CCDC92: variants seen among roughly 807,000 people sequenced by gnomAD.
CCDC92 encodes the protein coiled-coil domain containing 92.
A neutral mutation model predicts 24.9 loss-of-function variants in CCDC92; 12 were observed. The observed-to-expected ratio is 0.48, with a 90% CI of 0.31 to 0.78. The LOEUF (loss-of-function observed/expected upper bound fraction) is 0.78, where lower values mean the gene tolerates loss of function less well. CCDC92 is among the 30% of genes least tolerant of loss of function. The pLI is 0.05. For missense variants in CCDC92, 399 were observed against 439.4 expected, an observed-to-expected ratio of 0.91 and a Z score of 0.82; for synonymous variants, 193 against 196.3, an observed-to-expected ratio of 0.98 and a Z score of 0.14.
intron 1 of CCDC92, among the ~76,000 whole-genome samples, chr12:123,954,582 A>G (rs1250907491): frequency 6.6e-6 from 1 of 152,204 alleles, no homozygotes; most frequent in Non-Finnish European, 1.5e-5. Flanking sequence ...CTCATACTTT[A>G]AGAGTTTCTA....
rs1223505868 is a variant in CCDC92, at chr12:123,954,581, TAAG to T, written c.-59-10220_-59-10218del. On this transcript the variant is annotated intron_variant, in intron 1 of 4. Coordinates refer to ENST00000238156, the MANE Select transcript of CCDC92 (RefSeq NM_025140.3). ...TCTGCACTCCGATTATCTCATACTT[TAAG>T]AGTTTCTATTTGGCTTCTATTTAAA... Among the ~76,000 whole-genome samples, 3 of 152,332 alleles carry T rather than the reference TAAG, an allele frequency of 2.0e-5. No homozygotes were observed. The East Asian group carries it at 5.8e-4, about 29-fold the overall frequency.
chr12:123,965,130 G>C (rs1250299236), intron 1 of CCDC92, among the ~76,000 whole-genome samples: 1 of 152,054 alleles, frequency 6.6e-6, no homozygotes, highest in African/African-American at 2.4e-5. Context: ...GACGTATTAG[G>C]ACACCTGATA....
At chr12:123,956,694 G>A (rs182525468) in intron 1 of CCDC92, among the ~76,000 whole-genome samples, 2 of 152,342 alleles carry the variant, frequency 1.3e-5, no homozygotes, top group African/African-American at 2.4e-5. Context: ...AGACCAGTGA[G>A]AGAACGGTAG....
intron 4 of CCDC92, among the ~76,000 whole-genome samples, chr12:123,938,758 G>T (rs1235175582): frequency 6.6e-6 from 1 of 152,174 alleles, no homozygotes; most frequent in Non-Finnish European, 1.5e-5. Flanking sequence ...GTGAGTGTCC[G>T]TCAGACACAC....
intron 1 of CCDC92, among the ~76,000 whole-genome samples, chr12:123,960,105 C>G (rs1956239004): frequency 6.6e-6 from 1 of 152,242 alleles, no homozygotes; most frequent in African/African-American, 2.4e-5. Context: ...ACCTTACTAG[C>G]ATGTAAACTC....
intron 1 of CCDC92, among the ~76,000 whole-genome samples, chr12:123,964,997 A>T (rs915007790): frequency 6.6e-6 from 1 of 152,224 alleles, no homozygotes; most frequent in Non-Finnish European, 1.5e-5. Context: ...TAAAATTCAA[A>T]TGGAAAAAAC....
intron 1 of CCDC92, among the ~76,000 whole-genome samples, chr12:123,959,810 G>T (rs745864788): frequency 4.6e-5 from 7 of 151,220 alleles, no homozygotes; most frequent in Non-Finnish European, 8.8e-5. Flanking sequence ...AAAATGTACT[G>T]TCCCCATGAG....
intron 1 of CCDC92, among the ~76,000 whole-genome samples, chr12:123,963,064 A>G (rs988610067): frequency 4.6e-5 from 7 of 152,082 alleles, no homozygotes; most frequent in African/African-American, 1.7e-4. Flanking sequence ...TTGGGCTGTC[A>G]TGAGCGTGTG....
At chr12:123,971,431 A>G (rs965861738) in intron 1 of CCDC92, 2 of 152,106 alleles carry the variant, frequency 1.3e-5, no homozygotes, top group African/African-American at 2.4e-5. Context: ...AAAAAAAAAA[A>G]AAAAGAAAAG....
intron 2 of CCDC92, chr12:123,943,912 GC>G: frequency 2.2e-6 from 1 of 449,730 alleles, no homozygotes; most frequent in East Asian, 3.9e-5. Flanking sequence ...TCCTCTCCAC[GC>G]ACCACCTCAC....
At chr12:123,943,614 C>G in intron 2 of CCDC92, 121 bp from the exon 3 acceptor site, 2 of 1,088,976 alleles carry the variant, frequency 1.8e-6, no homozygotes. Context: ...GAAACCACGG[C>G]TCCTGAAGGG....
intron 1 of CCDC92, among the ~76,000 whole-genome samples, chr12:123,951,082 A>G (rs1956013614): frequency 6.6e-6 from 1 of 152,122 alleles, no homozygotes; most frequent in Non-Finnish European, 1.5e-5. Context: ...TAGAACTCCC[A>G]TGGCAAACCA....
intron 1 of CCDC92, chr12:123,945,737 T>C (rs1358962522): frequency 1.3e-5 from 2 of 152,228 alleles, no homozygotes; most frequent in Non-Finnish European, 2.9e-5. Context: ...TGAAAGGGGT[T>C]TGGAAGTGGG....
chr12:123,951,984 G>A (rs938193565), intron 1 of CCDC92, among the ~76,000 whole-genome samples: 1 of 152,052 alleles, frequency 6.6e-6, no homozygotes, highest in Admixed American at 6.5e-5. Context: ...TAACACAATG[G>A]GACAAAAGAG....
rs181755599 is a variant in CCDC92 at position 123,964,119 on chromosome 12, G to A, written c.-60+8410C>T. Among the ~76,000 whole-genome samples, 113 of 152,270 alleles carry A rather than the reference G, an allele frequency of 7.4e-4. 1 individual carries two copies. Among genetic ancestry groups the A allele is most frequent in the African/African-American group, 2.5e-3 (103 of 41,560 alleles). On this transcript the variant is annotated intron_variant, in intron 1 of 4. Coordinates refer to ENST00000238156, the MANE Select transcript of CCDC92 (RefSeq NM_025140.3). ...CAGAAATTGAAGTAATTAGTGCTGC[G>A]CTGGTAAATCTTAAAATGGTTTTCT...
At chr12:123,963,050 T>C (rs1321028965) in intron 1 of CCDC92, among the ~76,000 whole-genome samples, 1 of 152,090 alleles carries the variant, frequency 6.6e-6, no homozygotes, top group African/African-American at 2.4e-5. Flanking sequence ...TGTCTGGAGA[T>C]GCTTTGGGCT....
At chr12:123,962,408 A>C (rs1410480918) in intron 1 of CCDC92, 1 of 152,234 alleles carries the variant, frequency 6.6e-6, no homozygotes, top group Non-Finnish European at 1.5e-5. Context: ...TTTGCTTTTT[A>C]AATTGGTTGC....
At chr12:123,955,281 G>A (rs533338622) in intron 1 of CCDC92, among the ~76,000 whole-genome samples, 1 of 152,194 alleles carries the variant, frequency 6.6e-6, no homozygotes, top group South Asian at 2.1e-4. Flanking sequence ...TAATGGAAGG[G>A]GAAGTAAGCA....
chr12:123,953,980 T>C lies in CCDC92; in HGVS notation c.-59-9616A>G, dbSNP rs115673490. 6.7e-3 allele frequency among the ~76,000 whole-genome samples: 1,015 copies of C among 152,184 alleles called. 6 individuals are homozygous for C. Among genetic ancestry groups the C allele is most frequent in the African/African-American group, 0.023 (939 of 41,514 alleles). On this transcript the variant is annotated intron_variant, in intron 1 of 4. Transcript: ENST00000238156. The stretch of plus-strand genomic sequence containing the variant: ...TCAAATAAACAAACAAACAAACAAA[T>C]AAACATTTGTCTCTAGATGGTGGAC...
Sources: gnomAD v4.1 joint callset for allele counts (sites outside exome capture counted in the v4.1 genomes callset) on GRCh38, gnomAD v4.1.1 for gene constraint, MANE v1.5 for transcripts, NCBI Gene and HGNC (gene_info 2026-07-23, HGNC 2026-07-21) for gene names.